COP1: variants seen among roughly 807,000 people sequenced by gnomAD.
COP1 encodes E3 ubiquitin-protein ligase COP1.
A neutral mutation model predicts 101.3 loss-of-function variants in COP1; 24 were observed. The observed-to-expected ratio is 0.24, with a 90% confidence interval of 0.17 to 0.33. The LOEUF is 0.33. Among genes scored for constraint, COP1 ranks in the 10% least tolerant of loss-of-function variants. COP1 has a pLI of 1.00. For missense variants in COP1, 663 were observed against 906.2 expected, an observed-to-expected ratio of 0.73 and a Z score of 3.45; for synonymous variants, 347 against 341.9, an observed-to-expected ratio of 1.01 and a Z score of -0.17.
At chr1:175,946,200 T>TA (rs554720627) in intron 19 of COP1, among the ~76,000 whole-genome samples, 4 of 152,122 alleles carry the variant, frequency 2.6e-5, no homozygotes, top group East Asian at 1.9e-4. Flanking sequence ...ACTGATCAGT[T>TA]AAAAAACCTC....
chr1:176,086,966 C>T (rs1472919802), intron 9 of COP1, among the ~76,000 whole-genome samples: 1 of 152,174 alleles, frequency 6.6e-6, no homozygotes, highest in African/African-American at 2.4e-5. Context: ...ACAGCTACAA[C>T]CATTTGATCT....
At chr1:176,106,442 T>C (rs564836791) in intron 9 of COP1, among the ~76,000 whole-genome samples, 9 of 152,276 alleles carry the variant, frequency 5.9e-5, no homozygotes, top group Middle Eastern at 3.4e-3. Context: ...TCAGAAATTA[T>C]AGTTTATAAG....
At chr1:175,986,340 A>G (rs957272797) in intron 18 of COP1, among the ~76,000 whole-genome samples, 2 of 152,132 alleles carry the variant, frequency 1.3e-5, no homozygotes, top group African/African-American at 4.8e-5. Flanking sequence ...TTTTCATATA[A>G]CTTATGAAAA....
chr1:176,012,803 G>C (rs1305677863), intron 15 of COP1, among the ~76,000 whole-genome samples: 1 of 152,112 alleles, frequency 6.6e-6, no homozygotes, highest in Non-Finnish European at 1.5e-5. Context: ...TAGCCTAGGA[G>C]TATTAGGCTA....
intron 15 of COP1, among the ~76,000 whole-genome samples, chr1:176,019,439 G>T (rs1232111114): frequency 1.4e-5 from 2 of 147,766 alleles, no homozygotes; most frequent in South Asian, 4.3e-4. Context: ...CTCCAGCCTG[G>T]GCAACAGAGC....
At chr1:176,195,129 G>A (rs1457438127) in intron 1 of COP1, among the ~76,000 whole-genome samples, 2 of 138,474 alleles carry the variant, frequency 1.4e-5, no homozygotes, top group Non-Finnish European at 3.1e-5. Context: ...AGAGGGAGAG[G>A]AGAGAAAGAG....
chr1:176,130,154 T>C (rs1485009813), intron 8 of COP1, among the ~76,000 whole-genome samples: 2 of 151,710 alleles, frequency 1.3e-5, no homozygotes, highest in Non-Finnish European at 3.0e-5. Flanking sequence ...ATCAGCATTG[T>C]CCTATTTGCC....
intron 6 of COP1, among the ~76,000 whole-genome samples, chr1:176,146,471 T>C (rs115913519): frequency 2.6e-5 from 4 of 152,216 alleles, no homozygotes; most frequent in Non-Finnish European, 5.9e-5. Flanking sequence ...ACAAAGAACA[T>C]GTGACTTCTG....
intron 18 of COP1, among the ~76,000 whole-genome samples, chr1:175,958,238 T>G (rs1650914667): frequency 6.6e-6 from 1 of 152,082 alleles, no homozygotes; most frequent in Non-Finnish European, 1.5e-5. Flanking sequence ...ATACGTATTT[T>G]ATAAGTTAAC....
intron 9 of COP1, among the ~76,000 whole-genome samples, chr1:176,088,036 T>C (rs540090070): frequency 1.3e-5 from 2 of 152,160 alleles, no homozygotes; most frequent in Non-Finnish European, 2.9e-5. Context: ...TTCTCACTCA[T>C]AGGTGGGAAC....
chr1:176,054,894 G>C (rs778369860), intron 11 of COP1, among the ~76,000 whole-genome samples: 1 of 151,944 alleles, frequency 6.6e-6, no homozygotes, highest in East Asian at 1.9e-4. Flanking sequence ...CTCTCCTCTC[G>C]TTCTCTTTAA....
rs114966784 is a variant in COP1, at chr1:175,967,308, T to C, written c.2133+19635A>G. On this transcript the variant is annotated intron_variant, in intron 18 of 19. Coordinates refer to ENST00000367669, the MANE Select transcript of COP1 (RefSeq NM_022457.7). Reference sequence around the variant, plus strand: ...ACTACTGGCGTGAGCCACCGCGCCGTTGAAAGCTCATCTCTACTAAAAATA... The same window carrying C: ...ACTACTGGCGTGAGCCACCGCGCCGCTGAAAGCTCATCTCTACTAAAAATA... Among the ~76,000 whole-genome samples, 1,182 of 152,044 alleles carry C rather than the reference T, an allele frequency of 7.8e-3. 16 individuals carry two copies. Among genetic ancestry groups the C allele is most frequent in the African/African-American group, 0.026 (1,095 of 41,480 alleles).
chr1:176,088,560 T>C lies in COP1; in HGVS notation c.1027-2670A>G, dbSNP rs561641163. ...TAAGATCTGCGCTTTTCTTTATATG[T>C]GTTTTACCTCCATTTCAAAGAAGGC... On this transcript the variant is annotated intron_variant, in intron 9 of 19. Transcript: ENST00000367669. Among the ~76,000 whole-genome samples, 84 of 152,300 alleles carry C rather than the reference T, an allele frequency of 5.5e-4. No homozygotes were observed. In the South Asian group the frequency reaches 6.6e-3, roughly 12 times the overall value.
At chr1:176,137,527 T>C (rs1689997777) in intron 6 of COP1, among the ~76,000 whole-genome samples, 1 of 152,168 alleles carries the variant, frequency 6.6e-6, no homozygotes, top group Admixed American at 6.6e-5. Flanking sequence ...TTTATAAATG[T>C]AAAATATTAA....
Position 176,062,493 on chromosome 1 carries a change from A to G in COP1, c.1278-16169T>C, listed in dbSNP as rs139533007. Among the ~76,000 whole-genome samples, 399 of 152,336 alleles carry G rather than the reference A, an allele frequency of 2.6e-3. 3 individuals carry two copies. The highest frequency in any genetic ancestry group is 9.2e-3 in the African/African-American group (381 of 41,566). ...TTTAAAAAAAATAACAATGCTAAGA[A>G]TTGCTGAGGATTTAGAACTGGAATT... On this transcript the variant is annotated intron_variant, in intron 11 of 19. Transcript: ENST00000367669.
rs868868553 is a variant in COP1 at position 176,199,347 on chromosome 1, G to A, written c.407+7225C>T. ...AAAGATAAAAAAGAAATGCAAAATG[G>A]TAGAGGCAGTTTTTAAAAAGTTTTG... On this transcript the variant is annotated intron_variant, in intron 1 of 19. Transcript: ENST00000367669. Among the ~76,000 whole-genome samples, 18 of 152,028 alleles carry A rather than the reference G, an allele frequency of 1.2e-4. No individual in the cohort carries two copies. The South Asian group carries it at 3.7e-3, about 32-fold the overall frequency.
chr1:176,127,607 G>A (rs1266494976), intron 8 of COP1, among the ~76,000 whole-genome samples: 1 of 150,804 alleles, frequency 6.6e-6, no homozygotes, highest in African/African-American at 2.4e-5. Context: ...ATATATGTGT[G>A]TGTGTGTATA....
At chr1:176,136,050 TTAGG>T (rs1160585635) in intron 7 of COP1, among the ~76,000 whole-genome samples, 1 of 152,006 alleles carries the variant, frequency 6.6e-6, no homozygotes, top group Non-Finnish European at 1.5e-5. Flanking sequence ...ATAAATTTCC[TTAGG>T]TAAACTATAT....
chr1:175,976,270 CTTTTTTTTT>C (rs10694480), intron 18 of COP1, among the ~76,000 whole-genome samples: 46 of 56,862 alleles, frequency 8.1e-4, no homozygotes, highest in East Asian at 6.5e-3. Flanking sequence ...ATTAGTCATT[CTTTTTTTTT>C]TTTTTTTTTT....
Sources: allele counts gnomAD v4.1 joint callset (sites outside exome capture counted in the v4.1 genomes callset), GRCh38; gene constraint gnomAD v4.1.1; transcripts MANE v1.5; gene names NCBI Gene and HGNC (gene_info 2026-07-23, HGNC 2026-07-21).